Variants in FMN2 observed in about 807,000 individuals in gnomAD.
The protein encoded by FMN2 is formin-2.
In FMN2, 51 loss-of-function variants were observed where a neutral mutation model predicts 142.3. The observed-to-expected ratio is 0.36, with a 90% CI of 0.29 to 0.45. FMN2 has a LOEUF of 0.45. FMN2 is among the 20% of genes least tolerant of loss of function. The probability of loss-of-function intolerance (pLI) is 1.00; values close to 1 mark genes in which losing one functional copy is unlikely to be tolerated. For missense variants in FMN2, 1,936 were observed against 2,122.8 expected, an observed-to-expected ratio of 0.91 and a Z score of 1.73; for synonymous variants, 882 against 869.8, an observed-to-expected ratio of 1.01 and a Z score of -0.25.
intron 4 of FMN2, among the ~76,000 whole-genome samples, chr1:240,201,509 C>A (rs2103373102): frequency 6.6e-6 from 1 of 152,142 alleles, no homozygotes; most frequent in Admixed American, 6.6e-5. Flanking sequence ...TTGTCAGAGG[C>A]CTTTGGGGAA....
At chr1:240,434,709 C>T (rs1198393150) in intron 15 of FMN2, among the ~76,000 whole-genome samples, 1 of 149,764 alleles carries the variant, frequency 6.7e-6, no homozygotes, top group East Asian at 2.0e-4. Flanking sequence ...TTACAGGCAC[C>T]CACAACCACA....
At chr1:240,301,119 C>T (rs1214866589) in intron 8 of FMN2, among the ~76,000 whole-genome samples, 1 of 150,634 alleles carries the variant, frequency 6.6e-6, no homozygotes, top group Non-Finnish European at 1.5e-5. Context: ...TTCTTTCCTA[C>T]CTTATTATTT....
chr1:240,177,597 T>C (rs1045620068), intron 2 of FMN2, among the ~76,000 whole-genome samples: 4 of 152,036 alleles, frequency 2.6e-5, no homozygotes, highest in African/African-American at 9.7e-5. Flanking sequence ...GTTCAGGGAG[T>C]TCTCTGATTG....
chr1:240,300,994 T>C (rs1670180875), intron 8 of FMN2, among the ~76,000 whole-genome samples: 1 of 151,976 alleles, frequency 6.6e-6, no homozygotes, highest in Non-Finnish European at 1.5e-5. Flanking sequence ...TTTGGGTCTG[T>C]GTTTTTTATT....
At chr1:240,257,905 C>T (rs757022680) in intron 6 of FMN2, 40 bp from the exon 7 acceptor site, 1 of 1,559,452 alleles carries the variant, frequency 6.4e-7, no homozygotes, top group Non-Finnish European at 8.8e-7. Context: ...TATTGGAGTT[C>T]AAATTAACAT....
intron 11 of FMN2, among the ~76,000 whole-genome samples, chr1:240,331,378 A>G (rs1004270425): frequency 1.3e-5 from 2 of 152,184 alleles, no homozygotes; most frequent in Non-Finnish European, 2.9e-5. Context: ...TGCCAGTAGA[A>G]ATATGAGGTT....
intron 8 of FMN2, among the ~76,000 whole-genome samples, chr1:240,305,057 C>A (rs2102978527): frequency 6.6e-6 from 1 of 152,200 alleles, no homozygotes; most frequent in East Asian, 1.9e-4. Flanking sequence ...CTAATTTTTT[C>A]ATTCATTCTT....
intron 6 of FMN2, among the ~76,000 whole-genome samples, chr1:240,249,866 T>A (rs1434848860): frequency 6.6e-6 from 1 of 152,064 alleles, no homozygotes; most frequent in Non-Finnish European, 1.5e-5. Flanking sequence ...CTATTTGAGA[T>A]TGGATTGCCT....
intron 16 of FMN2, among the ~76,000 whole-genome samples, chr1:240,440,544 T>C (rs989976498): frequency 1.1e-4 from 16 of 152,210 alleles, no homozygotes; most frequent in Admixed American, 5.2e-4. Context: ...AACTATGTGA[T>C]GGGCTTTGGG....
intron 2 of FMN2, among the ~76,000 whole-genome samples, chr1:240,165,835 C>T (rs1664459871): frequency 6.6e-6 from 1 of 151,972 alleles, no homozygotes; most frequent in African/African-American, 2.4e-5. Context: ...ATCTTTGTTA[C>T]TAGTGTGATG....
intron 6 of FMN2, among the ~76,000 whole-genome samples, chr1:240,231,217 C>A (rs764873776): frequency 7.6e-6 from 1 of 132,394 alleles, no homozygotes; most frequent in African/African-American, 3.2e-5. Context: ...CATCTCTTTG[C>A]GTTCCACATT....
intron 15 of FMN2, among the ~76,000 whole-genome samples, chr1:240,429,874 GT>G (rs142935410): frequency 0.033 from 4,837 of 145,236 alleles, 270 homozygotes; most frequent in African/African-American, 0.12. Context: ...TTCCTTTTTT[GT>G]TTTTTTTTGT....
chr1:240,151,934 T>A (rs1397388557), intron 2 of FMN2, among the ~76,000 whole-genome samples: 8 of 151,794 alleles, frequency 5.3e-5, no homozygotes, highest in South Asian at 2.1e-4. Context: ...GCCAATCTAA[T>A]TTTTTTTCTT....
At chr1:240,240,041 T>C (rs1165062271) in intron 6 of FMN2, among the ~76,000 whole-genome samples, 4 of 152,312 alleles carry the variant, frequency 2.6e-5, no homozygotes, top group African/African-American at 7.2e-5. Context: ...AGTTAACAAT[T>C]TGAAAACTAA....
intron 7 of FMN2, among the ~76,000 whole-genome samples, chr1:240,271,532 A>C (rs887656682): frequency 4.6e-5 from 7 of 151,620 alleles, no homozygotes; most frequent in African/African-American, 1.7e-4. Flanking sequence ...GGGATATAGA[A>C]TTTTAAGACC....
intron 2 of FMN2, among the ~76,000 whole-genome samples, chr1:240,161,551 A>T (rs929771866): frequency 4.8e-4 from 73 of 152,158 alleles, no homozygotes; most frequent in African/African-American, 1.7e-3. Flanking sequence ...AAAAAATACA[A>T]GTGGAAAGAG....
intron 7 of FMN2, among the ~76,000 whole-genome samples, chr1:240,264,965 G>A (rs10926188): frequency 0.65 from 99,180 of 151,886 alleles, 32,675 homozygotes; most frequent in East Asian, 0.85. Context: ...TTTATAGATG[G>A]AGTCTGCCTA....
rs539245140 is a variant in FMN2, at chr1:240,222,483, G to A, written c.4065+11248G>A. Among the ~76,000 whole-genome samples the A allele has an allele frequency of 2.0e-5, 3 of 150,372 alleles. No individual in the cohort carries two copies. The South Asian group carries it at 6.3e-4, about 32-fold the overall frequency. ...ACTTGGCTATATGGGCTCTTTTATG[G>A]TTCTATATGAAATTTAAAGTAGTTT... On this transcript the variant is annotated intron_variant, in intron 6 of 17. Transcript: ENST00000319653.
intron 2 of FMN2, chr1:240,171,116 G>A: frequency 2.1e-6 from 3 of 1,433,802 alleles, no homozygotes; most frequent in Non-Finnish European, 2.9e-6. Flanking sequence ...ACATGGAAAG[G>A]CACTGCCTTT....
Sources: allele counts gnomAD v4.1 joint callset (sites outside exome capture counted in the v4.1 genomes callset), GRCh38; gene constraint gnomAD v4.1.1; transcripts MANE v1.5; gene names NCBI Gene and HGNC (gene_info 2026-07-23, HGNC 2026-07-21).